CCSER1: variants seen among roughly 807,000 people sequenced by gnomAD.
The protein encoded by CCSER1 is coiled-coil serine rich protein 1, also known as serine-rich coiled-coil domain-containing protein 1.
In CCSER1, 41 loss-of-function variants were observed where a neutral mutation model predicts 82.0. The observed-to-expected ratio is 0.50, with a 90% confidence interval of 0.39 to 0.65. The LOEUF is 0.65. CCSER1 is among the 30% of genes least tolerant of loss of function. The pLI, the probability that CCSER1 is intolerant of heterozygous loss-of-function variation, is 0.00. For synonymous variants in CCSER1, 414 were observed against 383.9 expected (o/e 1.08, Z -0.92); for missense variants, 1,119 against 1,064.2 (o/e 1.05, Z -0.72).
intron 10 of CCSER1, among the ~76,000 whole-genome samples, chr4:91,398,984 A>G (rs2149357605): frequency 6.6e-6 from 1 of 152,078 alleles, no homozygotes; most frequent in Admixed American, 6.6e-5. Context: ...AGTTAGGACT[A>G]TACACTAGTA....
At chr4:91,316,357 A>T (rs1049275254) in intron 10 of CCSER1, among the ~76,000 whole-genome samples, 1 of 152,030 alleles carries the variant, frequency 6.6e-6, no homozygotes, top group Non-Finnish European at 1.5e-5. Context: ...GATTACTATC[A>T]GTCTTTCTTA....
intron 1 of CCSER1, among the ~76,000 whole-genome samples, chr4:90,168,502 A>G (rs1227418743): frequency 2.0e-5 from 3 of 151,942 alleles, no homozygotes; most frequent in Non-Finnish European, 4.4e-5. Context: ...TGTCCATTTT[A>G]GCTTTTGTTA....
At chr4:90,208,665 G>T (rs1003975160) in intron 1 of CCSER1, among the ~76,000 whole-genome samples, 1 of 152,242 alleles carries the variant, frequency 6.6e-6, no homozygotes, top group South Asian at 2.1e-4. Context: ...TGGTCTGTGG[G>T]TTGCAAAGAC....
intron 10 of CCSER1, among the ~76,000 whole-genome samples, chr4:91,089,270 C>T (rs1723698157): frequency 6.6e-6 from 1 of 152,166 alleles, no homozygotes; most frequent in Admixed American, 6.5e-5. Flanking sequence ...AGTGTCCTTC[C>T]ATACAATGTC....
intron 7 of CCSER1, among the ~76,000 whole-genome samples, chr4:90,770,872 T>C (rs904965744): frequency 2.0e-5 from 3 of 152,178 alleles, no homozygotes; most frequent in Non-Finnish European, 2.9e-5. Context: ...TCTTGCTCAA[T>C]AGTTTACTAA....
chr4:90,927,227 A>T (rs1729177431), intron 9 of CCSER1, among the ~76,000 whole-genome samples: 1 of 152,116 alleles, frequency 6.6e-6, no homozygotes, highest in Middle Eastern at 3.4e-3. Flanking sequence ...CCTGAAATTG[A>T]CACAGAATAG....
chr4:91,181,859 A>G (rs1199153758), intron 10 of CCSER1, among the ~76,000 whole-genome samples: 1 of 152,250 alleles, frequency 6.6e-6, no homozygotes, highest in Non-Finnish European at 1.5e-5. Context: ...TACTGAGATC[A>G]GAAAGCATGT....
chr4:90,881,317 C>G (rs1193810814), intron 8 of CCSER1, among the ~76,000 whole-genome samples: 4 of 150,122 alleles, frequency 2.7e-5, no homozygotes, highest in African/African-American at 4.9e-5. Context: ...GACAGACAGA[C>G]AGAGAGAGAG....
At chr4:91,554,923 A>G (rs1762333233) in intron 10 of CCSER1, among the ~76,000 whole-genome samples, 1 of 151,328 alleles carries the variant, frequency 6.6e-6, no homozygotes, top group Non-Finnish European at 1.5e-5. Flanking sequence ...TGCCAAGAAC[A>G]TACAATAGGG....
chr4:91,443,028 C>T (rs1265703992), intron 10 of CCSER1, among the ~76,000 whole-genome samples: 2 of 152,080 alleles, frequency 1.3e-5, no homozygotes, highest in Non-Finnish European at 2.9e-5. Flanking sequence ...GTTGGTGGGA[C>T]TGTAAACTAT....
chr4:90,998,876 C>T (rs924519646), intron 9 of CCSER1, among the ~76,000 whole-genome samples: 2 of 151,938 alleles, frequency 1.3e-5, no homozygotes, highest in African/African-American at 2.4e-5. Context: ...CCCACTCTTG[C>T]CTCCCTCCCT....
At position 91,537,759 on chromosome 4, in the gene CCSER1, C is replaced by A. The variant is rs545623953; in HGVS notation, c.2218-60813C>A. Among the ~76,000 whole-genome samples, 3 of 151,880 alleles carry A rather than the reference C, an allele frequency of 2.0e-5. No individual in the cohort carries two copies. In the South Asian group the frequency reaches 6.2e-4, roughly 32 times the overall value. ...AATCATAAAGCTTTACATCCCATAG[C>A]AATCAACAATATACCTATATGGGAG... On this transcript the variant is annotated intron_variant, in intron 10 of 10. Coordinates refer to ENST00000509176, the MANE Select transcript of CCSER1 (RefSeq NM_001145065.2).
At chr4:91,555,003 A>G (rs1043077665) in intron 10 of CCSER1, among the ~76,000 whole-genome samples, 2 of 151,286 alleles carry the variant, frequency 1.3e-5, no homozygotes, top group Non-Finnish European at 3.0e-5. Flanking sequence ...ATAAAATTGG[A>G]CCCTTATCTC....
chr4:90,213,133 TA>T lies in CCSER1; in HGVS notation c.-42+85303del, dbSNP rs1187228483. On this transcript the variant is annotated intron_variant, in intron 1 of 10. Coordinates refer to ENST00000509176, the MANE Select transcript of CCSER1 (RefSeq NM_001145065.2). The stretch of plus-strand genomic sequence containing the variant: ...TGCACTCTGGCATCAGTGTTGAAAA[TA>T]CCCTGATAGCAGGGTAATCAGGAGA... Among the ~76,000 whole-genome samples the T allele has an allele frequency of 2.0e-4, 31 of 152,264 alleles. 1 individual carries two copies. The East Asian group carries it at 6.0e-3, about 29-fold the overall frequency.
chr4:90,345,828 A>G (rs1340685000), intron 3 of CCSER1, among the ~76,000 whole-genome samples: 2 of 152,112 alleles, frequency 1.3e-5, no homozygotes, highest in Non-Finnish European at 2.9e-5. Flanking sequence ...TGTAAAACAG[A>G]AATCTTATGT....
chr4:90,319,511 C>T (rs890925028), intron 3 of CCSER1, among the ~76,000 whole-genome samples: 2 of 151,972 alleles, frequency 1.3e-5, no homozygotes, highest in African/African-American at 2.4e-5. Context: ...ATTAGCCAGG[C>T]GTGGTGGCAC....
chr4:91,502,514 C>T (rs1472171046), intron 10 of CCSER1, among the ~76,000 whole-genome samples: 1 of 152,160 alleles, frequency 6.6e-6, no homozygotes, highest in East Asian at 1.9e-4. Context: ...TATTTTAACT[C>T]ATTTAATCAC....
intron 5 of CCSER1, among the ~76,000 whole-genome samples, chr4:90,559,642 A>G (rs10026251): frequency 0.23 from 34,118 of 151,370 alleles, 5,019 homozygotes; most frequent in East Asian, 0.46. Flanking sequence ...GCAATATGGC[A>G]AAACCCTGTT....
intron 3 of CCSER1, among the ~76,000 whole-genome samples, chr4:90,397,996 A>G (rs1752271097): frequency 6.6e-6 from 1 of 152,164 alleles, no homozygotes; most frequent in Non-Finnish European, 1.5e-5. Context: ...TGGGTGGCTT[A>G]AACAACAGAA....
Sources: gnomAD v4.1 joint callset for allele counts (sites outside exome capture counted in the v4.1 genomes callset) on GRCh38, gnomAD v4.1.1 for gene constraint, MANE v1.5 for transcripts, NCBI Gene and HGNC (gene_info 2026-07-23, HGNC 2026-07-21) for gene names.